ENTREP2: variants seen among roughly 807,000 people sequenced by gnomAD.
The protein encoded by ENTREP2 is endosomal transmembrane epsin interactor 2.
chr15:29,303,508 C>CT, the ENTREP2 span, among the ~76,000 whole-genome samples: 3 of 151,576 alleles, frequency 2.0e-5, no homozygotes, highest in Non-Finnish European at 4.4e-5. Flanking sequence ...TATAGGGGTA[C>CT]TTTTTTTAGG....
At chr15:29,565,476 G>T in the ENTREP2 span, among the ~76,000 whole-genome samples, 2 of 151,646 alleles carry the variant, frequency 1.3e-5, no homozygotes, top group Non-Finnish European at 2.9e-5. Context: ...ATTATTCCCA[G>T]CAGGAGAATA....
At chr15:29,329,486 T>A in the ENTREP2 span, among the ~76,000 whole-genome samples, 1 of 152,122 alleles carries the variant, frequency 6.6e-6, no homozygotes, top group Non-Finnish European at 1.5e-5. Flanking sequence ...GAGGAACCAA[T>A]GTATTTCCTT....
chr15:29,357,782 T>C, the ENTREP2 span, among the ~76,000 whole-genome samples: 1 of 150,092 alleles, frequency 6.7e-6, no homozygotes, highest in Non-Finnish European at 1.5e-5. Flanking sequence ...GAGCTTGCAG[T>C]GAGCCGAGAT....
At chr15:29,601,765 G>C in the ENTREP2 span, among the ~76,000 whole-genome samples, 2 of 152,224 alleles carry the variant, frequency 1.3e-5, no homozygotes, top group African/African-American at 2.4e-5. Flanking sequence ...TGCCACCTGG[G>C]TTTATCACTG....
At chr15:29,474,993 T>C in the ENTREP2 span, among the ~76,000 whole-genome samples, 4 of 152,230 alleles carry the variant, frequency 2.6e-5, no homozygotes, top group Non-Finnish European at 5.9e-5. Context: ...GGCAAATGTA[T>C]GAACATTTTT....
chr15:29,414,325 A>C, the ENTREP2 span, among the ~76,000 whole-genome samples: 3 of 152,240 alleles, frequency 2.0e-5, no homozygotes. Context: ...CAATCAAACT[A>C]GAACTCAGGA....
At chr15:29,194,379 T>C in the ENTREP2 span, among the ~76,000 whole-genome samples, 1 of 152,352 alleles carries the variant, frequency 6.6e-6, no homozygotes, top group Non-Finnish European at 1.5e-5. Flanking sequence ...TCACAACTCC[T>C]GCCTCCTTTG....
At chr15:29,573,460 T>G in the ENTREP2 span, among the ~76,000 whole-genome samples, 1 of 152,160 alleles carries the variant, frequency 6.6e-6, no homozygotes, top group African/African-American at 2.4e-5. Flanking sequence ...GCAGTGAGTA[T>G]GTATAGACAG....
chr15:29,136,612 C>T, the ENTREP2 span: 1 of 1,144,172 alleles, frequency 8.7e-7, no homozygotes, highest in Middle Eastern at 2.2e-4. Context: ...TCTTCTAATA[C>T]TTCCCATCAT....
At chr15:29,589,677 A>G in the ENTREP2 span, among the ~76,000 whole-genome samples, 2 of 152,164 alleles carry the variant, frequency 1.3e-5, no homozygotes, top group Non-Finnish European at 2.9e-5. Context: ...GCGGATTTAC[A>G]GCTATTCGGA....
At chr15:29,278,592 G>A in the ENTREP2 span, among the ~76,000 whole-genome samples, 4 of 152,128 alleles carry the variant, frequency 2.6e-5, no homozygotes, top group Non-Finnish European at 5.9e-5. Flanking sequence ...CTGATGCATC[G>A]TGACCATAAA....
chr15:29,492,269 C>A, the ENTREP2 span, among the ~76,000 whole-genome samples: 1 of 152,128 alleles, frequency 6.6e-6, no homozygotes, highest in Non-Finnish European at 1.5e-5. Context: ...TAAGAATTAG[C>A]AGTAGCATGA....
At chr15:29,136,992 A>G in the ENTREP2 span, 1 of 1,390,798 alleles carries the variant, frequency 7.2e-7, no homozygotes, top group Non-Finnish European at 9.3e-7. Context: ...ACTGCTGCCC[A>G]TCTTAGTGGT....
chr15:29,219,656 T>C, the ENTREP2 span, among the ~76,000 whole-genome samples: 1 of 90,178 alleles, frequency 1.1e-5, no homozygotes, highest in South Asian at 4.0e-4. Flanking sequence ...TATATATATA[T>C]ATATATATGA....
At chr15:29,247,070 T>G in the ENTREP2 span, among the ~76,000 whole-genome samples, 3 of 151,332 alleles carry the variant, frequency 2.0e-5, no homozygotes, top group African/African-American at 7.3e-5. Flanking sequence ...AAAGATTGAC[T>G]TTAGTTTAGA....
At chr15:29,385,579 G>A in the ENTREP2 span, among the ~76,000 whole-genome samples, 8 of 152,158 alleles carry the variant, frequency 5.3e-5, no homozygotes, top group Non-Finnish European at 1.2e-4. Context: ...AATATGATGG[G>A]CTGTCACTCT....
the ENTREP2 span, among the ~76,000 whole-genome samples, chr15:29,303,928 C>T: frequency 9.1e-4 from 139 of 152,060 alleles, 3 homozygotes; most frequent in Admixed American, 3.3e-3. Flanking sequence ...TCACCCAGGC[C>T]GGAATGCAGT....
chr15:29,346,358 G>C, the ENTREP2 span, among the ~76,000 whole-genome samples: 2 of 152,164 alleles, frequency 1.3e-5, no homozygotes, highest in Admixed American at 6.5e-5. Context: ...CTGAAATCCA[G>C]CTGGGCCTGT....
chr15:29,380,117 G>C, the ENTREP2 span, among the ~76,000 whole-genome samples: 1 of 152,164 alleles, frequency 6.6e-6, no homozygotes, highest in East Asian at 1.9e-4. Flanking sequence ...CCAGATGTTG[G>C]CATCTGTTGA....
Sources: allele counts gnomAD v4.1 joint callset (sites outside exome capture counted in the v4.1 genomes callset), GRCh38; gene constraint gnomAD v4.1.1; transcripts MANE v1.5; gene names NCBI Gene and HGNC (gene_info 2026-07-23, HGNC 2026-07-21).